ENTREP2: variants seen among roughly 807,000 people sequenced by gnomAD.
ENTREP2 encodes protein ENTREP2.
chr15:29,204,438 G>T, the ENTREP2 span, among the ~76,000 whole-genome samples: 1 of 152,194 alleles, frequency 6.6e-6, no homozygotes, highest in Non-Finnish European at 1.5e-5. Flanking sequence ...GCAGAGGGCT[G>T]GGAAGAGGCT....
the ENTREP2 span, among the ~76,000 whole-genome samples, chr15:29,145,742 T>A: frequency 6.6e-6 from 1 of 151,640 alleles, no homozygotes. Flanking sequence ...GGTGACAGAC[T>A]GGATGCTTCC....
chr15:29,395,723 G>A, the ENTREP2 span, among the ~76,000 whole-genome samples: 1 of 151,736 alleles, frequency 6.6e-6, no homozygotes, highest in African/African-American at 2.4e-5. Flanking sequence ...TCAAGAGATG[G>A]GGGTTTCGCC....
At chr15:29,162,183 G>A in the ENTREP2 span, among the ~76,000 whole-genome samples, 2 of 152,190 alleles carry the variant, frequency 1.3e-5, no homozygotes, top group Admixed American at 6.5e-5. Flanking sequence ...CCCCAAGCAG[G>A]TCATTCCTGC....
chr15:29,487,010 A>G, the ENTREP2 span, among the ~76,000 whole-genome samples: 1 of 152,194 alleles, frequency 6.6e-6, no homozygotes, highest in Non-Finnish European at 1.5e-5. Flanking sequence ...ACAATTTATT[A>G]TATATTCTCA....
At chr15:29,487,711 G>C in the ENTREP2 span, among the ~76,000 whole-genome samples, 1 of 152,154 alleles carries the variant, frequency 6.6e-6, no homozygotes, top group Non-Finnish European at 1.5e-5. Context: ...CGTTTGTTTT[G>C]AGACAGGGTC....
At chr15:29,228,959 C>G in the ENTREP2 span, among the ~76,000 whole-genome samples, 15 of 152,092 alleles carry the variant, frequency 9.9e-5, no homozygotes, top group Admixed American at 7.9e-4. Context: ...CTTTTCTTTT[C>G]TTTTTTAAAT....
the ENTREP2 span, chr15:29,151,823 A>T: frequency 2.6e-6 from 4 of 1,551,380 alleles, no homozygotes; most frequent in Admixed American, 7.8e-5. Context: ...TTGAGGGCAC[A>T]CACGCTGAAG....
At chr15:29,497,829 T>C in the ENTREP2 span, among the ~76,000 whole-genome samples, 35 of 150,826 alleles carry the variant, frequency 2.3e-4, no homozygotes, top group African/African-American at 7.5e-4. Context: ...CTTTAGTTTG[T>C]TCTTCTTTTT....
chr15:29,569,168 C>T, the ENTREP2 span, among the ~76,000 whole-genome samples: 1 of 152,184 alleles, frequency 6.6e-6, no homozygotes, highest in Non-Finnish European at 1.5e-5. Context: ...CTCCAACCTC[C>T]TCTCTTTTCT....
chr15:29,495,778 T>C, the ENTREP2 span, among the ~76,000 whole-genome samples: 1 of 152,154 alleles, frequency 6.6e-6, no homozygotes, highest in South Asian at 2.1e-4. Context: ...GTGTCTGTTT[T>C]TATGCCAGTA....
At chr15:29,547,828 G>A in the ENTREP2 span, among the ~76,000 whole-genome samples, 1 of 152,176 alleles carries the variant, frequency 6.6e-6, no homozygotes, top group Non-Finnish European at 1.5e-5. Flanking sequence ...GCCAAGAGGT[G>A]GAAGCAGCCC....
the ENTREP2 span, among the ~76,000 whole-genome samples, chr15:29,635,017 G>C: frequency 2.6e-5 from 4 of 152,124 alleles, no homozygotes; most frequent in African/African-American, 9.7e-5. Context: ...GCTATTCTTT[G>C]TATTTTTAGT....
chr15:29,178,445 TTCTC>T, the ENTREP2 span, among the ~76,000 whole-genome samples: 10 of 152,262 alleles, frequency 6.6e-5, no homozygotes, highest in East Asian at 1.9e-4. Flanking sequence ...CTTTCTTACC[TTCTC>T]TCTGTTTTTT....
chr15:29,630,710 C>A, the ENTREP2 span, among the ~76,000 whole-genome samples: 3 of 152,144 alleles, frequency 2.0e-5, no homozygotes, highest in African/African-American at 7.2e-5. Context: ...GTTTTTGAGA[C>A]ACAGTCTTGC....
chr15:29,157,239 G>T, the ENTREP2 span, among the ~76,000 whole-genome samples: 3 of 152,202 alleles, frequency 2.0e-5, no homozygotes, highest in African/African-American at 7.2e-5. Flanking sequence ...AGAACTGGAG[G>T]TGTGGACCAG....
At chr15:29,490,183 C>T in the ENTREP2 span, among the ~76,000 whole-genome samples, 1 of 152,194 alleles carries the variant, frequency 6.6e-6, no homozygotes, top group South Asian at 2.1e-4. Context: ...AAGGCCGGTG[C>T]ATCTGGAGTC....
chr15:29,620,594 C>T, the ENTREP2 span, among the ~76,000 whole-genome samples: 1 of 152,004 alleles, frequency 6.6e-6, no homozygotes, highest in Non-Finnish European at 1.5e-5. Flanking sequence ...AGTATGATCA[C>T]ACCACTGCAC....
chr15:29,233,627 T>A, the ENTREP2 span: 4 of 747,578 alleles, frequency 5.4e-6, no homozygotes, highest in Non-Finnish European at 9.2e-6. Flanking sequence ...ATGAAAGGTG[T>A]GCGAGAGCTT....
At chr15:29,253,608 A>G in the ENTREP2 span, among the ~76,000 whole-genome samples, 1 of 151,896 alleles carries the variant, frequency 6.6e-6, no homozygotes, top group African/African-American at 2.4e-5. Context: ...ACACCCAGCT[A>G]ATTTTTGTAT....
Sources: gnomAD v4.1 joint callset for allele counts (sites outside exome capture counted in the v4.1 genomes callset) on GRCh38, gnomAD v4.1.1 for gene constraint, MANE v1.5 for transcripts, NCBI Gene and HGNC (gene_info 2026-07-23, HGNC 2026-07-21) for gene names.